DCAF5: variants seen among roughly 807,000 people sequenced by gnomAD.
DCAF5 encodes the protein DDB1- and CUL4-associated factor 5.
Under a neutral mutation model 80.7 loss-of-function variants are expected in DCAF5, and 9 were observed. That is an observed-to-expected ratio of 0.11 (90% CI 0.07 to 0.19). The LOEUF (loss-of-function observed/expected upper bound fraction) is 0.19. Among genes scored for constraint, DCAF5 ranks in the 10% least tolerant of loss-of-function variants. DCAF5 has a pLI of 1.00. For synonymous variants in DCAF5, 433 were observed against 461.9 expected, an observed-to-expected ratio of 0.94 and a Z score of 0.80; for missense variants, 842 against 1,205.7, an observed-to-expected ratio of 0.70 and a Z score of 4.47.
intron 1 of DCAF5, chr14:69,143,944 C>T (rs2041455198): frequency 6.6e-6 from 1 of 152,020 alleles, no homozygotes; most frequent in Admixed American, 6.6e-5. Flanking sequence ...CCACTGCATT[C>T]AGACCCGCCA....
intron 5 of DCAF5, among the ~76,000 whole-genome samples, chr14:69,102,302 T>C (rs2039982253): frequency 6.6e-6 from 1 of 151,854 alleles, no homozygotes; most frequent in African/African-American, 2.4e-5. Flanking sequence ...AGAGATAGGG[T>C]TTCACCATGT....
At chr14:69,077,933 G>C (rs1010762755) in intron 6 of DCAF5, among the ~76,000 whole-genome samples, 9 of 152,118 alleles carry the variant, frequency 5.9e-5, no homozygotes, top group African/African-American at 1.9e-4. Context: ...AAAAGCAGTG[G>C]GCTCAGTTTC....
Position 69,054,327 on chromosome 14 carries a change from T to C in DCAF5, c.2359A>G (p.Ser787Gly). 1 of 1,614,242 alleles carries C rather than the reference T, an allele frequency of 6.2e-7. No individual in the cohort carries two copies. Among genetic ancestry groups the C allele is most frequent in the Non-Finnish European group, 8.5e-7 (1 of 1,180,038 alleles). The change falls in exon 9 of 9, where the codon AGT becomes GGT. Residue 787 changes from serine (S) to glycine (G), a missense_variant. Ser to Gly is a moderately conservative substitution (Grantham distance 56, BLOSUM62 0). Around this residue, in one of 5 missense-constraint regions of DCAF5, gnomAD observed 607 missense variants for 656.6 expected, o/e 0.92. Transcript: ENST00000341516. ...GGAGAAGGCGGCTCCTCAGCCCGAC[T>C]GCTCAGGGCCTTTCCATTGAGCTTC... ...TKKLNGKALS[S>G]RAEEPPSPPV...
intron 1 of DCAF5, among the ~76,000 whole-genome samples, chr14:69,125,214 A>T (rs2040839740): frequency 6.6e-6 from 1 of 152,228 alleles, no homozygotes; most frequent in Non-Finnish European, 1.5e-5. Context: ...ATTCATTCTG[A>T]TGGACAGTTG....
intron 1 of DCAF5, among the ~76,000 whole-genome samples, chr14:69,145,430 T>A (rs1040692095): frequency 2.6e-5 from 4 of 152,202 alleles, no homozygotes; most frequent in Non-Finnish European, 5.9e-5. Context: ...TACTCAACTT[T>A]AAATATTCAC....
intron 6 of DCAF5, among the ~76,000 whole-genome samples, chr14:69,088,540 C>T (rs768135325): frequency 1.8e-4 from 28 of 152,290 alleles, no homozygotes; most frequent in Admixed American, 5.9e-4. Flanking sequence ...AAGAAGTACA[C>T]GTACTCTGAA....
chr14:69,123,484 G>C (rs894009790), intron 1 of DCAF5, among the ~76,000 whole-genome samples: 1 of 152,188 alleles, frequency 6.6e-6, no homozygotes, highest in African/African-American at 2.4e-5. Context: ...ATAACTGGTA[G>C]GCTGGTGTTG....
At chr14:69,108,466 C>T (rs1238474294) in intron 5 of DCAF5, among the ~76,000 whole-genome samples, 1 of 151,684 alleles carries the variant, frequency 6.6e-6, no homozygotes, top group Non-Finnish European at 1.5e-5. Context: ...TATGGAGAGA[C>T]GGAAATGGGT....
chr14:69,122,185 T>C, intron 2 of DCAF5, 32 bp downstream of exon 2: 18 of 1,598,910 alleles, frequency 1.1e-5, no homozygotes, highest in Non-Finnish European at 1.5e-5. Context: ...CCAACCACAG[T>C]GACGTTCCCA....
intron 1 of DCAF5, among the ~76,000 whole-genome samples, chr14:69,123,302 T>G (rs562804810): frequency 1.4e-4 from 21 of 152,366 alleles, no homozygotes; most frequent in Admixed American, 7.8e-4. Context: ...GTCAGTTTTG[T>G]TCACTGGGAA....
intron 1 of DCAF5, among the ~76,000 whole-genome samples, chr14:69,135,950 C>A (rs2041178676): frequency 6.6e-6 from 1 of 152,106 alleles, no homozygotes; most frequent in South Asian, 2.1e-4. Context: ...TTTAATGTAA[C>A]AATGTAACAG....
At chr14:69,087,917 T>C (rs374567730) in intron 6 of DCAF5, among the ~76,000 whole-genome samples, 1 of 152,202 alleles carries the variant, frequency 6.6e-6, no homozygotes, top group Non-Finnish European at 1.5e-5. Context: ...GGTTTCAAAC[T>C]GGTGGATCCA....
chr14:69,100,957 G>T (rs1422771384), intron 5 of DCAF5, among the ~76,000 whole-genome samples: 1 of 152,172 alleles, frequency 6.6e-6, no homozygotes, highest in Non-Finnish European at 1.5e-5. Flanking sequence ...TACCCCTGAA[G>T]AAGCAACAAG....
rs2037793178 is a variant in DCAF5, at chr14:69,052,483, A to G, written c.*1374T>C. 6.6e-6 allele frequency: 1 copy of G among 152,626 alleles called. No homozygotes were observed. Among genetic ancestry groups the G allele is most frequent in the South Asian group, 2.1e-4 (1 of 4,828 alleles). 9.5% of individuals were successfully genotyped at this position (152,626 alleles called of 1,614,324 possible). ...TCTTGCCAGTATTCTGCCTTTTCAT[A>G]ACATTTATGCCAACAAGATATCTGG... On this transcript the variant is annotated 3_prime_UTR_variant, in exon 9 of 9. Coordinates refer to ENST00000341516, the MANE Select transcript of DCAF5 (RefSeq NM_003861.3).
chr14:69,083,343 C>T lies in DCAF5; in HGVS notation c.880-7932G>A, dbSNP rs115667164. On this transcript the variant is annotated intron_variant, in intron 6 of 8. Transcript: ENST00000341516. ...TGGCTGATTTAATAAAGTTATATTCCGGAACTGAGTAGCTGTACTGTCTGG... is the reference window on the plus strand; with the variant it reads ...TGGCTGATTTAATAAAGTTATATTCTGGAACTGAGTAGCTGTACTGTCTGG... 2.1e-3 allele frequency: 342 copies of T among 166,318 alleles called. 3 individuals are homozygous for T. Among genetic ancestry groups the T allele is most frequent in the African/African-American group, 7.5e-3 (313 of 41,914 alleles). 10.3% of individuals were successfully genotyped at this position (166,318 alleles called of 1,614,324 possible).
At chr14:69,072,224 G>A (rs758541318) in intron 7 of DCAF5, among the ~76,000 whole-genome samples, 7 of 152,166 alleles carry the variant, frequency 4.6e-5, no homozygotes, top group Non-Finnish European at 1.0e-4. Context: ...AACAGAGAAT[G>A]TCTAATATTG....
At chr14:69,079,497 T>C (rs1221343748) in intron 6 of DCAF5, among the ~76,000 whole-genome samples, 1 of 152,150 alleles carries the variant, frequency 6.6e-6, no homozygotes, top group Non-Finnish European at 1.5e-5. Flanking sequence ...AGTAAGGGCA[T>C]TTAAGTGTTC....
chr14:69,098,769 G>A (rs1197475627), intron 5 of DCAF5, among the ~76,000 whole-genome samples: 1 of 148,442 alleles, frequency 6.7e-6, no homozygotes, highest in East Asian at 2.0e-4. Context: ...GTAGTGGCAG[G>A]CACCTGTAGT....
intron 5 of DCAF5, among the ~76,000 whole-genome samples, chr14:69,105,891 G>A (rs1360321099): frequency 1.1e-5 from 1 of 89,346 alleles, no homozygotes; most frequent in Non-Finnish European, 2.5e-5. Context: ...AATGGTATGA[G>A]CCAATTTTCC....
Sources: allele counts gnomAD v4.1 joint callset (sites outside exome capture counted in the v4.1 genomes callset), GRCh38; gene constraint gnomAD v4.1.1; regional missense constraint gnomAD v4.1.1; transcripts MANE v1.5; gene names NCBI Gene and HGNC (gene_info 2026-07-23, HGNC 2026-07-21).